FAM246A: variants seen among roughly 807,000 people sequenced by gnomAD.
The protein encoded by FAM246A is family with sequence similarity 246 member A, also known as protein FAM246A.
chr22:21,360,428 A>C (rs1477175938), downstream of FAM246A, among the ~76,000 whole-genome samples: 6 of 4,858 alleles, frequency 1.2e-3, no homozygotes, highest in Non-Finnish European at 1.1e-3. Flanking sequence ...TCCCGCGCCC[A>C]CCCCCTCCCT....
At chr22:21,360,711 C>T (rs1378927686) in exon 1 of FAM246A, among the ~76,000 whole-genome samples, 2 of 147,164 alleles carry the variant, frequency 1.4e-5, no homozygotes, top group Non-Finnish European at 3.0e-5. Context: ...GGGGCGTCGT[C>T]TGCGGGCCTG....
exon 1 of FAM246A, among the ~76,000 whole-genome samples, chr22:21,360,813 G>A (rs952807655): frequency 2.1e-5 from 3 of 141,094 alleles, no homozygotes; most frequent in South Asian, 4.4e-4. Context: ...GGCTCGCGGC[G>A]GGCAGGCGGG....
At chr22:21,360,864 GCTCCGCTCGAAGCTCCGCGCGCAGCGC>G (rs1921841958) in exon 1 of FAM246A, among the ~76,000 whole-genome samples, 1 of 144,396 alleles carries the variant, frequency 6.9e-6, no homozygotes, top group Non-Finnish European at 1.5e-5. Context: ...AGAGCGTCCA[GCTCCGCTCGAAGCTCCGCGCGCAGCGC>G]CTCAATCTCG....
exon 1 of FAM246A, among the ~76,000 whole-genome samples, chr22:21,361,181 T>C (rs2911626): frequency 4.6e-5 from 7 of 151,518 alleles, no homozygotes; most frequent in East Asian, 1.9e-4. Context: ...GGCGTCTTCC[T>C]GGCCCGGCCC....
exon 1 of FAM246A, among the ~76,000 whole-genome samples, chr22:21,360,839 G>GGCGGCA (rs1185157513): frequency 6.9e-6 from 1 of 144,568 alleles, no homozygotes; most frequent in Non-Finnish European, 1.5e-5. Flanking sequence ...CGGCGGCGGC[G>GGCGGCA]GCAGCAGCGC....
exon 1 of FAM246A, among the ~76,000 whole-genome samples, chr22:21,361,163 G>C (rs1295934240): frequency 6.6e-6 from 1 of 151,534 alleles, no homozygotes. Flanking sequence ...CAGCCGGCCC[G>C]GGGCTCGGGC....
chr22:21,360,825 A>ACGGCGG (rs533321783), exon 1 of FAM246A, among the ~76,000 whole-genome samples: 6 of 140,390 alleles, frequency 4.3e-5, no homozygotes, highest in East Asian at 2.2e-4. Context: ...GCAGGCGGGG[A>ACGGCGG]CGGCGGCGGC....
chr22:21,360,823 G>GAAC (rs888197326), exon 1 of FAM246A, among the ~76,000 whole-genome samples: 1 of 135,458 alleles, frequency 7.4e-6, no homozygotes, highest in East Asian at 3.2e-4. Context: ...GGGCAGGCGG[G>GAAC]GACGGCGGCG....
At chr22:21,360,810 G>T (rs1028403416) in exon 1 of FAM246A, among the ~76,000 whole-genome samples, 1 of 141,884 alleles carries the variant, frequency 7.0e-6, no homozygotes, top group Non-Finnish European at 1.5e-5. Context: ...CGGGGCTCGC[G>T]GCGGGCAGGC....
exon 1 of FAM246A, among the ~76,000 whole-genome samples, chr22:21,360,763 C>G (rs1172224024): frequency 1.4e-5 from 2 of 147,208 alleles, no homozygotes; most frequent in Non-Finnish European, 3.0e-5. Context: ...GCGTCCGCAG[C>G]AGGGTCGGGC....
At chr22:21,361,184 C>A (rs1173113156) in exon 1 of FAM246A, among the ~76,000 whole-genome samples, 1 of 151,550 alleles carries the variant, frequency 6.6e-6, no homozygotes, top group Admixed American at 6.6e-5. Flanking sequence ...GTCTTCCTGG[C>A]CCGGCCCATT....
At chr22:21,361,265 C>T (rs1252717379) in exon 1 of FAM246A, among the ~76,000 whole-genome samples, 1 of 148,882 alleles carries the variant, frequency 6.7e-6, no homozygotes, top group East Asian at 2.1e-4. Flanking sequence ...GTACGCACTA[C>T]GCGCCTGGGC....
chr22:21,361,259 G>A (rs1181301642), exon 1 of FAM246A, among the ~76,000 whole-genome samples: 1 of 149,302 alleles, frequency 6.7e-6, no homozygotes, highest in Non-Finnish European at 1.5e-5. Flanking sequence ...GGCTCTGTAC[G>A]CACTACGCGC....
exon 1 of FAM246A, among the ~76,000 whole-genome samples, chr22:21,361,285 G>A (rs1453237919): frequency 1.4e-5 from 2 of 146,734 alleles, no homozygotes; most frequent in East Asian, 2.2e-4. Context: ...CCCACGGGCG[G>A]CCGGGCGTCG....
chr22:21,360,716 G>A (rs1158403564), exon 1 of FAM246A, among the ~76,000 whole-genome samples: 1 of 147,186 alleles, frequency 6.8e-6, no homozygotes, highest in Non-Finnish European at 1.5e-5. Flanking sequence ...GTCGTCTGCG[G>A]GCCTGGAGGC....
chr22:21,359,700 G>A (rs1439560743), downstream of FAM246A, among the ~76,000 whole-genome samples: 2 of 146,424 alleles, frequency 1.4e-5, no homozygotes, highest in East Asian at 2.0e-4. Flanking sequence ...GCCAAGAGAT[G>A]AGAAGCTGCT....
chr22:21,361,145 A>T lies in FAM246A; in HGVS notation c.155T>A (p.Leu52Gln), dbSNP rs1921851207. Residue 52 changes from leucine to glutamine, a missense_variant, in exon 1 of 1, where the codon CTG (leucine) becomes CAG (glutamine). Leu to Gln is a moderately radical substitution (Grantham distance 113, BLOSUM62 -2). Coordinates refer to ENST00000652479, the Ensembl canonical transcript of FAM246A. ...CGCTTCGGCCCGGAGCTGGCCGAGC[A>T]GGCGAGCCAGCCGGCCCGGGGCTCG... 2.0e-5 allele frequency among the ~76,000 whole-genome samples: 3 copies of T among 151,372 alleles called. No individual in the cohort carries two copies. The South Asian group carries it at 6.2e-4, about 31-fold the overall frequency.
chr22:21,360,779 G>A (rs1318168526), exon 1 of FAM246A, among the ~76,000 whole-genome samples: 1 of 147,002 alleles, frequency 6.8e-6, no homozygotes, highest in Non-Finnish European at 1.5e-5. Context: ...CGGGCCGCGG[G>A]GCGTGGCGCG....
At chr22:21,360,913 C>G (rs1921843710) in exon 1 of FAM246A, among the ~76,000 whole-genome samples, 1 of 146,160 alleles carries the variant, frequency 6.8e-6, no homozygotes, top group Admixed American at 6.7e-5. Flanking sequence ...CGCCCAGCTC[C>G]TCGCGCACTG....
Sources: allele counts gnomAD v4.1 joint callset (sites outside exome capture counted in the v4.1 genomes callset), GRCh38; gene constraint gnomAD v4.1.1; transcripts MANE v1.5; gene names NCBI Gene and HGNC (gene_info 2026-07-23, HGNC 2026-07-21).